The following NDUFS4 variants were observed in gnomAD, a reference collection of about 807,000 sequenced individuals.
The protein encoded by NDUFS4 is NADH dehydrogenase [ubiquinone] iron-sulfur protein 4, mitochondrial.
In NDUFS4, 28 loss-of-function variants were observed where a neutral mutation model predicts 24.3. The observed-to-expected ratio is 1.15, with a 90% CI of 0.85 to 1.58. The LOEUF (loss-of-function observed/expected upper bound fraction) is 1.58. NDUFS4 is among the 40% of genes most tolerant of loss of function. NDUFS4 has a pLI of 0.00. For synonymous variants in NDUFS4, 93 were observed against 69.7 expected (o/e 1.34, Z -1.67); for missense variants, 223 against 207.9 (o/e 1.07, Z -0.45).
intron 2 of NDUFS4, among the ~76,000 whole-genome samples, chr5:53,624,908 G>A (rs970719676): frequency 6.6e-6 from 1 of 152,062 alleles, no homozygotes; most frequent in Non-Finnish European, 1.5e-5. Context: ...TCATATTAGA[G>A]GAAAAGCTTT....
At chr5:53,682,347 TAGAC>T (rs1361097447) in intron 4 of NDUFS4, among the ~76,000 whole-genome samples, 2 of 151,938 alleles carry the variant, frequency 1.3e-5, no homozygotes, top group Non-Finnish European at 2.9e-5. Context: ...CAGAAGAGAA[TAGAC>T]AGACACCTTT....
chr5:53,599,806 CT>C, intron 1 of NDUFS4, among the ~76,000 whole-genome samples: 1 of 151,872 alleles, frequency 6.6e-6, no homozygotes, highest in Non-Finnish European at 1.5e-5. Flanking sequence ...TTCCTTTATG[CT>C]TTCTAGGCTT....
rs546554918 is a variant in NDUFS4, at chr5:53,625,134, A to G, written c.178-21099A>G. Among the ~76,000 whole-genome samples, 39 of 152,022 alleles carry G rather than the reference A, an allele frequency of 2.6e-4. 1 individual carries two copies. In the South Asian group the frequency reaches 5.4e-3, roughly 21 times the overall value. On this transcript the variant is annotated intron_variant, in intron 2 of 4. Coordinates refer to ENST00000296684, the MANE Select transcript of NDUFS4 (RefSeq NM_002495.4). ...ATAGTTTTGGCTTTATTTTTTGTAG[A>G]AATGGGGTTCGCCATGTTACCCAGG...
intron 4 of NDUFS4, among the ~76,000 whole-genome samples, chr5:53,666,393 C>T (rs991565673): frequency 4.6e-5 from 7 of 152,186 alleles, no homozygotes; most frequent in African/African-American, 1.4e-4. Context: ...GCCTTTCTAT[C>T]TGACTTCTAC....
At chr5:53,600,428 C>A (rs539344362) in intron 1 of NDUFS4, among the ~76,000 whole-genome samples, 8 of 152,130 alleles carry the variant, frequency 5.3e-5, no homozygotes, top group Non-Finnish European at 1.0e-4. Flanking sequence ...CCTGCCTCAA[C>A]CTCCTGAGTA....
intron 2 of NDUFS4, among the ~76,000 whole-genome samples, chr5:53,643,525 T>G (rs894266867): frequency 2.6e-5 from 4 of 152,152 alleles, no homozygotes; most frequent in Non-Finnish European, 4.4e-5. Context: ...ATAGTTCTTT[T>G]CAAGTGTTAC....
rs2112397792 is a variant in NDUFS4 at position 53,560,694 on chromosome 5, G to C, written c.32G>C (p.Arg11Thr). 1 of 1,614,246 alleles carries C rather than the reference G, an allele frequency of 6.2e-7. No individual in the cohort carries two copies. Among genetic ancestry groups the C allele is most frequent in the South Asian group, 1.1e-5 (1 of 91,082 alleles). The change falls in exon 1 of 5, where the codon AGG becomes ACG. Residue 11 changes from arginine (R) to threonine (T), a missense_variant. By Grantham distance (71) the Arg-to-Thr change is moderately conservative (BLOSUM62 -1). Transcript: ENST00000296684. MAAVSMSVVL[R>T]QTLWRRRAVA... ...GCGGTGTCAATGTCAGTGGTACTGA[G>C]GCAGACGTTGTGGCGGAGAAGGGCA...
At chr5:53,681,645 G>A (rs2111611095) in intron 4 of NDUFS4, among the ~76,000 whole-genome samples, 1 of 152,210 alleles carries the variant, frequency 6.6e-6, no homozygotes, top group South Asian at 2.1e-4. Flanking sequence ...GTAAGGTTAT[G>A]TTGAACAAGT....
At chr5:53,566,910 G>A (rs1048759424) in intron 1 of NDUFS4, among the ~76,000 whole-genome samples, 6 of 149,860 alleles carry the variant, frequency 4.0e-5, no homozygotes, top group African/African-American at 1.5e-4. Flanking sequence ...ATGCAGTGGC[G>A]TGATCTCGGC....
chr5:53,599,319 T>C (rs1394640621), intron 1 of NDUFS4, among the ~76,000 whole-genome samples: 1 of 152,178 alleles, frequency 6.6e-6, no homozygotes, highest in African/African-American at 2.4e-5. Flanking sequence ...AGGATAATTC[T>C]GTTTACTTTT....
intron 1 of NDUFS4, among the ~76,000 whole-genome samples, chr5:53,593,021 C>T (rs1225607711): frequency 3.3e-5 from 5 of 151,946 alleles, no homozygotes; most frequent in African/African-American, 4.8e-5. Flanking sequence ...TCCTGTAATG[C>T]CTTTATCTAG....
intron 1 of NDUFS4, among the ~76,000 whole-genome samples, chr5:53,596,695 C>T (rs1750141211): frequency 1.3e-5 from 2 of 152,122 alleles, no homozygotes; most frequent in Non-Finnish European, 2.9e-5. Flanking sequence ...TCAATTAAAA[C>T]TCTCAGTAAT....
intron 2 of NDUFS4, among the ~76,000 whole-genome samples, chr5:53,607,205 G>C (rs1018026119): frequency 6.6e-6 from 1 of 152,140 alleles, no homozygotes; most frequent in Non-Finnish European, 1.5e-5. Context: ...CTTCAAGGAG[G>C]TGTTGCCCAT....
At chr5:53,598,012 TCA>T (rs1287294302) in intron 1 of NDUFS4, among the ~76,000 whole-genome samples, 3 of 152,200 alleles carry the variant, frequency 2.0e-5, no homozygotes, top group Non-Finnish European at 4.4e-5. Flanking sequence ...ATGTTCAACG[TCA>T]TATGTCATTC....
intron 1 of NDUFS4, among the ~76,000 whole-genome samples, chr5:53,584,060 CACTT>C (rs1440505816): frequency 6.6e-6 from 1 of 152,194 alleles, no homozygotes; most frequent in Non-Finnish European, 1.5e-5. Context: ...TGCTGCATCT[CACTT>C]ACACCTCCCA....
At chr5:53,566,088 G>A (rs1203976920) in intron 1 of NDUFS4, among the ~76,000 whole-genome samples, 1 of 152,146 alleles carries the variant, frequency 6.6e-6, no homozygotes, top group South Asian at 2.1e-4. Flanking sequence ...CAGGAGAATC[G>A]CTTGAACCTG....
At position 53,590,752 on chromosome 5, in the gene NDUFS4, G is replaced by A. The variant is rs1749926132; in HGVS notation, c.99-12700G>A. ...GATTATCTGTTTCTTCACAAGGCAT[G>A]CTCTTTTTAAAATATTGTCGTGGTT... is the stretch of plus-strand genomic sequence containing the variant. On this transcript the variant is annotated intron_variant, in intron 1 of 4. Coordinates refer to ENST00000296684, the MANE Select transcript of NDUFS4 (RefSeq NM_002495.4). Among the ~76,000 whole-genome samples, 5 of 152,258 alleles carry A rather than the reference G, an allele frequency of 3.3e-5. No homozygotes were observed. The South Asian group carries it at 1.0e-3, about 32-fold the overall frequency.
rs1579944872 is a variant in NDUFS4 at position 53,674,678 on chromosome 5, G to A, written c.425-8440G>A. Among the ~76,000 whole-genome samples the A allele has an allele frequency of 1.2e-4, 18 of 152,036 alleles. 1 individual carries two copies. In the South Asian group the frequency reaches 3.7e-3, roughly 32 times the overall value. On this transcript the variant is annotated intron_variant, in intron 4 of 4. Transcript: ENST00000296684. ...TATCTATTAATTACCTGACAATCTT[G>A]GAAATTAATTTTGAAGGTGACATAT...
chr5:53,653,230 T>C (rs1752068731), intron 3 of NDUFS4, among the ~76,000 whole-genome samples: 1 of 152,184 alleles, frequency 6.6e-6, no homozygotes, highest in South Asian at 2.1e-4. Flanking sequence ...CATGTCATTG[T>C]GGACATAGAA....
Sources: allele counts gnomAD v4.1 joint callset (sites outside exome capture counted in the v4.1 genomes callset), GRCh38; gene constraint gnomAD v4.1.1; transcripts MANE v1.5; gene names NCBI Gene and HGNC (gene_info 2026-07-23, HGNC 2026-07-21).